The following SLC26A7 variants were observed in gnomAD, a reference collection of about 807,000 sequenced individuals.
SLC26A7 encodes the protein solute carrier family 26 member 7.
Under a neutral mutation model 82.5 loss-of-function variants are expected in SLC26A7, and 59 were observed. The observed-to-expected ratio is 0.72, with a 90% CI of 0.58 to 0.89. The LOEUF is 0.89. Among genes scored for constraint, SLC26A7 ranks in the 40% least tolerant of loss-of-function variants. SLC26A7 has a pLI of 0.00. For missense variants in SLC26A7, 820 were observed against 793.0 expected (o/e 1.03, Z -0.41); for synonymous variants, 271 against 274.3 (o/e 0.99, Z 0.12).
intron 2 of SLC26A7, among the ~76,000 whole-genome samples, chr8:91,222,535 A>G (rs1424851331): frequency 2.0e-5 from 3 of 152,196 alleles, no homozygotes; most frequent in Non-Finnish European, 4.4e-5. Context: ...TGTTCCATCA[A>G]TACCTAGTTT....
chr8:91,346,236 A>C (rs1347452314), intron 9 of SLC26A7, among the ~76,000 whole-genome samples: 1 of 152,098 alleles, frequency 6.6e-6, no homozygotes, highest in African/African-American at 2.4e-5. Context: ...ACAGGGAAAG[A>C]ATCTAATTTA....
At chr8:91,233,243 C>G (rs942959272) in intron 2 of SLC26A7, among the ~76,000 whole-genome samples, 1 of 152,142 alleles carries the variant, frequency 6.6e-6, no homozygotes, top group African/African-American at 2.4e-5. Flanking sequence ...GGAGAAAAAG[C>G]AGAGAAGTAG....
chr8:91,320,820 C>T (rs949645094), intron 5 of SLC26A7, among the ~76,000 whole-genome samples: 26 of 152,182 alleles, frequency 1.7e-4, no homozygotes, highest in African/African-American at 5.8e-4. Flanking sequence ...TCTGAGTTTT[C>T]ACAATTGTTA....
At chr8:91,344,519 T>C (rs1221502869) in intron 9 of SLC26A7, among the ~76,000 whole-genome samples, 1 of 152,318 alleles carries the variant, frequency 6.6e-6, no homozygotes, top group Non-Finnish European at 1.5e-5. Context: ...TGTAGAATAA[T>C]TAAGTTTGAA....
chr8:91,244,751 G>A (rs1810521667), upstream of SLC26A7, among the ~76,000 whole-genome samples: 1 of 151,838 alleles, frequency 6.6e-6, no homozygotes, highest in African/African-American at 2.4e-5. Flanking sequence ...AAACTCCTGT[G>A]CTCAAGTTAT....
At position 91,366,601 on chromosome 8, in the gene SLC26A7, A is replaced by G; in HGVS notation, c.1510A>G (p.Ile504Val). Residue 504 changes from isoleucine to valine, a missense_variant, in exon 14 of 19, where the codon ATT (isoleucine) becomes GTT (valine). Coordinates refer to ENST00000276609, the MANE Select transcript of SLC26A7 (RefSeq NM_052832.4). Reference sequence around the variant, plus strand: ...AAAGGAAACCCTGCAGCAGGTGAAAATTATCTCAATAAACAACCCGCTTGT... The same window carrying G: ...AAAGGAAACCCTGCAGCAGGTGAAAGTTATCTCAATAAACAACCCGCTTGT... ...MDSETLQQVK[I>V]ISINNPLVFL... 1.9e-6 allele frequency: 3 copies of G among 1,613,118 alleles called. No individual in the cohort carries two copies. The highest frequency in any genetic ancestry group is 2.2e-5 in the South Asian group (2 of 90,860).
At chr8:91,291,525 A>G (rs1811867884) in intron 3 of SLC26A7, among the ~76,000 whole-genome samples, 1 of 152,226 alleles carries the variant, frequency 6.6e-6, no homozygotes, top group Non-Finnish European at 1.5e-5. Flanking sequence ...CTAACCTCTA[A>G]AAACATTTTC....
At chr8:91,243,962 A>G (rs571990852) in intron 2 of SLC26A7, among the ~76,000 whole-genome samples, 28 of 152,350 alleles carry the variant, frequency 1.8e-4, no homozygotes, top group African/African-American at 6.3e-4. Flanking sequence ...TGAATAACTG[A>G]AGGAACTTAG....
chr8:91,376,848 T>G (rs1414148005), intron 15 of SLC26A7, among the ~76,000 whole-genome samples: 1 of 152,124 alleles, frequency 6.6e-6, no homozygotes, highest in Non-Finnish European at 1.5e-5. Flanking sequence ...ATTCTCAAGC[T>G]GAGCTGGCAG....
intron 2 of SLC26A7, among the ~76,000 whole-genome samples, chr8:91,267,496 A>G (rs1171082695): frequency 6.6e-6 from 1 of 151,782 alleles, no homozygotes; most frequent in African/African-American, 2.4e-5. Flanking sequence ...GGTAGGTCCT[A>G]TGTGTTCAGA....
chr8:91,311,819 T>C (rs1215473877), intron 4 of SLC26A7, among the ~76,000 whole-genome samples: 1 of 152,156 alleles, frequency 6.6e-6, no homozygotes. Context: ...TAGGAGCAGG[T>C]AGGGGAATTA....
At chr8:91,225,771 G>T (rs7820353) in intron 2 of SLC26A7, among the ~76,000 whole-genome samples, 1 of 135,222 alleles carries the variant, frequency 7.4e-6, no homozygotes, top group South Asian at 2.6e-4. Context: ...TGACACAAAA[G>T]AAAATGTTGG....
At chr8:91,348,512 A>T in intron 9 of SLC26A7, 1 of 311,078 alleles carries the variant, frequency 3.2e-6, no homozygotes, top group Non-Finnish European at 4.7e-6. Context: ...ATTATCTTTT[A>T]TGCAGAATTA....
chr8:91,389,303 A>C, intron 15 of SLC26A7, 35 bp from the exon 16 acceptor site: 1 of 1,529,142 alleles, frequency 6.5e-7, no homozygotes, highest in Non-Finnish European at 9.1e-7. Flanking sequence ...GTCTCTTAAA[A>C]CTCTCCCTAA....
rs1228891400 is a variant in SLC26A7 at position 91,398,060 on chromosome 8, T to C, written c.*2963T>C. 6.6e-6 allele frequency: 1 copy of C among 152,540 alleles called. No individual in the cohort carries two copies. The highest frequency in any genetic ancestry group is 1.5e-5 in the Non-Finnish European group (1 of 67,964). 9.4% of individuals were successfully genotyped at this position (152,540 alleles called of 1,614,324 possible). On this transcript the variant is annotated 3_prime_UTR_variant, in exon 19 of 19. Coordinates refer to ENST00000276609, the MANE Select transcript of SLC26A7 (RefSeq NM_052832.4). Reference sequence around the variant, plus strand: ...TTATTTTTTTATATTTTTCAATGCATTTAATTATCTTTTTTATAATTCTTT... The same window carrying C: ...TTATTTTTTTATATTTTTCAATGCACTTAATTATCTTTTTTATAATTCTTT...
intron 7 of SLC26A7, among the ~76,000 whole-genome samples, chr8:91,339,283 A>T (rs1813332697): frequency 6.6e-6 from 1 of 152,088 alleles, no homozygotes; most frequent in Non-Finnish European, 1.5e-5. Context: ...GTGGGTTAAA[A>T]AAAAAAGTCA....
chr8:91,215,859 T>C (rs1001402495), intron 1 of SLC26A7, among the ~76,000 whole-genome samples: 2 of 152,146 alleles, frequency 1.3e-5, no homozygotes, highest in Non-Finnish European at 2.9e-5. Context: ...TGTAACATGC[T>C]CATTTCAAAT....
At chr8:91,298,876 A>T (rs966307740) in intron 4 of SLC26A7, among the ~76,000 whole-genome samples, 1 of 152,166 alleles carries the variant, frequency 6.6e-6, no homozygotes, top group Non-Finnish European at 1.5e-5. Flanking sequence ...AATTCAAAAC[A>T]AAAACAAATG....
intron 9 of SLC26A7, among the ~76,000 whole-genome samples, chr8:91,345,749 T>C (rs1009594514): frequency 1.1e-4 from 16 of 152,294 alleles, no homozygotes; most frequent in African/African-American, 3.1e-4. Context: ...CTTCGAAGTG[T>C]TTCCAGTTTC....
Sources: allele counts gnomAD v4.1 joint callset (sites outside exome capture counted in the v4.1 genomes callset), GRCh38; gene constraint gnomAD v4.1.1; transcripts MANE v1.5; gene names NCBI Gene and HGNC (gene_info 2026-07-23, HGNC 2026-07-21).